ABI1: variants seen among roughly 807,000 people sequenced by gnomAD.
The protein encoded by ABI1 is abl interactor 1, also known as Abelson interactor 1.
A neutral mutation model predicts 54.6 loss-of-function variants in ABI1; 14 were observed. The ratio of observed to expected loss-of-function variants is 0.26; its 90% confidence interval spans 0.17 to 0.40. ABI1 has a LOEUF of 0.40. Among genes scored for constraint, ABI1 ranks in the 10% least tolerant of loss-of-function variants. The pLI, the probability that ABI1 is intolerant of heterozygous loss-of-function variation, is 1.00. For missense variants in ABI1, 443 were observed against 598.3 expected (o/e 0.74, Z 2.71); for synonymous variants, 194 against 209.3 (o/e 0.93, Z 0.63).
chr10:26,818,631 C>CAAAAAA (rs376157276), intron 2 of ABI1, among the ~76,000 whole-genome samples: 7,333 of 72,436 alleles, frequency 0.1, 553 homozygotes, highest in African/African-American at 0.27. Context: ...GACCCCGTCA[C>CAAAAAA]AAAAAAAAAA....
intron 2 of ABI1, among the ~76,000 whole-genome samples, chr10:26,806,083 A>G (rs2046857738): frequency 6.6e-6 from 1 of 152,234 alleles, no homozygotes; most frequent in East Asian, 1.9e-4. Context: ...ATGATAAATG[A>G]ACAGGCTTCC....
intron 8 of ABI1, among the ~76,000 whole-genome samples, chr10:26,756,523 A>C (rs1838331409): frequency 6.6e-6 from 1 of 152,182 alleles, no homozygotes; most frequent in South Asian, 2.1e-4. Flanking sequence ...TTTGCATTAA[A>C]GTAATTTTTA....
At chr10:26,751,839 T>C (rs1375575964) in intron 9 of ABI1, 56 bp from the exon 10 acceptor site, 8 of 1,461,638 alleles carry the variant, frequency 5.5e-6, no homozygotes, top group African/African-American at 2.8e-5. Context: ...TGGAAACTTA[T>C]AAGTTAACAG....
intron 1 of ABI1, among the ~76,000 whole-genome samples, chr10:26,841,807 A>T (rs2049533840): frequency 6.6e-6 from 1 of 152,180 alleles, no homozygotes; most frequent in Non-Finnish European, 1.5e-5. Context: ...TTATATATGC[A>T]TATCACATGT....
intron 2 of ABI1, among the ~76,000 whole-genome samples, chr10:26,821,624 C>T (rs893326994): frequency 6.6e-6 from 1 of 151,958 alleles, no homozygotes; most frequent in South Asian, 2.1e-4. Flanking sequence ...ATGGCAAAAC[C>T]CCGTCTCTAC....
chr10:26,784,809 T>G (rs1842538207), intron 2 of ABI1, among the ~76,000 whole-genome samples: 1 of 152,242 alleles, frequency 6.6e-6, no homozygotes, highest in African/African-American at 2.4e-5. Context: ...CAGGACGGTC[T>G]AAAATCACTA....
chr10:26,805,850 T>C (rs900968986), intron 2 of ABI1, among the ~76,000 whole-genome samples: 2 of 152,142 alleles, frequency 1.3e-5, no homozygotes, highest in African/African-American at 4.8e-5. Flanking sequence ...AGCCAAAGGA[T>C]ACCAGCTACT....
chr10:26,826,703 T>C (rs2048325239), intron 1 of ABI1, among the ~76,000 whole-genome samples: 1 of 151,210 alleles, frequency 6.6e-6, no homozygotes, highest in Non-Finnish European at 1.5e-5. Flanking sequence ...GGTAACTTGC[T>C]GCAGCTTCTA....
chr10:26,757,204 G>GTACTAC (rs148369475), intron 8 of ABI1, among the ~76,000 whole-genome samples: 8 of 151,450 alleles, frequency 5.3e-5, no homozygotes, highest in African/African-American at 9.7e-5. Flanking sequence ...AAACATTCAC[G>GTACTAC]TACTACTACT....
At chr10:26,786,397 T>G (rs1414355804) in intron 2 of ABI1, among the ~76,000 whole-genome samples, 1 of 152,086 alleles carries the variant, frequency 6.6e-6, no homozygotes, top group Admixed American at 6.6e-5. Flanking sequence ...GTATGTTTTG[T>G]AGAGACGGGG....
Position 26,755,654 on chromosome 10 carries a change from C to G in ABI1, c.1084+1G>C. 6.2e-7 allele frequency: 1 copy of G among 1,610,894 alleles called. No individual in the cohort carries two copies. Among genetic ancestry groups the G allele is most frequent in the Non-Finnish European group, 8.5e-7 (1 of 1,177,286 alleles). On this transcript the variant is annotated splice_donor_variant, in intron 9 of 10. Coordinates refer to ENST00000376140, the MANE Select transcript of ABI1 (RefSeq NM_001012750.3). LOFTEE classifies it high-confidence loss of function. ...CCATAGCTCAGTTTTTCCAAACTTA[C>G]TGTTTTCCTGCACCCTGGCCACGAA...
At chr10:26,846,207 C>G (rs1406844780) in intron 1 of ABI1, among the ~76,000 whole-genome samples, 1 of 151,994 alleles carries the variant, frequency 6.6e-6, no homozygotes, top group Non-Finnish European at 1.5e-5. Flanking sequence ...GACTAGCCAC[C>G]CTCCAATCTG....
intron 7 of ABI1, among the ~76,000 whole-genome samples, chr10:26,759,702 T>C (rs2132537505): frequency 6.6e-6 from 1 of 152,186 alleles, no homozygotes; most frequent in African/African-American, 2.4e-5. Flanking sequence ...AATTTTGATT[T>C]GGCTAGATAG....
Position 26,860,623 on chromosome 10 carries a change from C to T in ABI1, c.117+124G>A, listed in dbSNP as rs1005891670. On this transcript the variant is annotated intron_variant, in intron 1 of 10. Coordinates refer to ENST00000376140, the MANE Select transcript of ABI1 (RefSeq NM_001012750.3). The surrounding 1 kb of genome is among the most constrained non-coding windows in gnomAD (Gnocchi z 4.1). The stretch of plus-strand genomic sequence containing the variant: ...CCGGTTGGGGCTGGGGTTGGGGCTG[C>T]GGTAGGGGCTCGGGTTGGTGGCAGC... The T allele has an allele frequency of 3.2e-5, 24 of 746,690 alleles. No individual in the cohort carries two copies. Among genetic ancestry groups the T allele is most frequent in the Admixed American group, 1.4e-4 (7 of 48,304 alleles). 46.3% of individuals were successfully genotyped at this position (746,690 alleles called of 1,614,324 possible).
At chr10:26,783,186 T>C (rs1842345544) in intron 2 of ABI1, among the ~76,000 whole-genome samples, 4 of 152,176 alleles carry the variant, frequency 2.6e-5, no homozygotes, top group Admixed American at 2.6e-4. Context: ...CATTATTGAG[T>C]GAAATACGCC....
intron 9 of ABI1, among the ~76,000 whole-genome samples, chr10:26,752,328 G>C (rs1416745452): frequency 1.3e-5 from 2 of 152,004 alleles, no homozygotes; most frequent in Admixed American, 1.3e-4. Context: ...GGTAGTATTA[G>C]GTCTGCTTCT....
intron 3 of ABI1, among the ~76,000 whole-genome samples, chr10:26,773,129 T>C (rs1187096039): frequency 6.6e-6 from 1 of 151,854 alleles, no homozygotes; most frequent in Non-Finnish European, 1.5e-5. Context: ...GCCTGGAATC[T>C]GTTTGAAATT....
intron 1 of ABI1, among the ~76,000 whole-genome samples, chr10:26,853,290 C>G (rs1391230939): frequency 1.6e-5 from 2 of 125,652 alleles, no homozygotes; most frequent in Non-Finnish European, 3.1e-5. Flanking sequence ...TCTTATTTCT[C>G]AACAATGCCC....
intron 2 of ABI1, among the ~76,000 whole-genome samples, chr10:26,796,043 T>C: frequency 6.6e-6 from 1 of 151,924 alleles, no homozygotes. Flanking sequence ...GAGCCATGAT[T>C]GTGTCACTGC....
Sources: gnomAD v4.1 joint callset for allele counts (sites outside exome capture counted in the v4.1 genomes callset) on GRCh38, gnomAD v4.1.1 for gene constraint, Gnocchi (gnomAD v3.1) non-coding constraint, MANE v1.5 for transcripts, NCBI Gene and HGNC (gene_info 2026-07-23, HGNC 2026-07-21) for gene names.